Variants in SLC22A3 observed in about 807,000 individuals in gnomAD.
SLC22A3 encodes the protein EMT organic cation transporter 3.
SLC22A3 carries 51 observed loss-of-function variants against 59.1 expected under a neutral mutation model. The ratio of observed to expected loss-of-function variants is 0.86; its 90% confidence interval spans 0.69 to 1.09. The LOEUF (loss-of-function observed/expected upper bound fraction) is 1.09, where lower values mean the gene tolerates loss of function less well. SLC22A3 is among the 50% of genes least tolerant of loss of function. The probability of loss-of-function intolerance (pLI) is 0.00; values close to 1 mark genes in which losing one functional copy is unlikely to be tolerated. For synonymous variants in SLC22A3, 325 were observed against 292.0 expected (o/e 1.11, Z -1.15); for missense variants, 711 against 726.3 (o/e 0.98, Z 0.24).
intron 1 of SLC22A3, among the ~76,000 whole-genome samples, chr6:160,392,510 G>A (rs1786303204): frequency 6.6e-6 from 1 of 152,160 alleles, no homozygotes; most frequent in Admixed American, 6.5e-5. Context: ...GTATATGCCT[G>A]GTATTCCTCC....
At chr6:160,379,322 T>TGG (rs1785713319) in intron 1 of SLC22A3, among the ~76,000 whole-genome samples, 1 of 152,208 alleles carries the variant, frequency 6.6e-6, no homozygotes, top group South Asian at 2.1e-4. Context: ...GCTCCTTACA[T>TGG]GGGGTCTTAG....
chr6:160,363,042 G>C (rs866815966), intron 1 of SLC22A3, among the ~76,000 whole-genome samples: 1 of 152,228 alleles, frequency 6.6e-6, no homozygotes, highest in East Asian at 1.9e-4. Context: ...GGCTCCCGGG[G>C]ACTCGGGCAG....
At chr6:160,367,366 G>A (rs750001901) in intron 1 of SLC22A3, among the ~76,000 whole-genome samples, 8 of 152,098 alleles carry the variant, frequency 5.3e-5, no homozygotes, top group Non-Finnish European at 1.2e-4. Context: ...ATTACCTTCC[G>A]CCAAGTTCAT....
chr6:160,355,794 C>CAA (rs1223042488), intron 1 of SLC22A3, among the ~76,000 whole-genome samples: 1 of 139,024 alleles, frequency 7.2e-6, no homozygotes, highest in African/African-American at 2.6e-5. Context: ...ACAACAACAA[C>CAA]AACAAAAAAC....
At chr6:160,378,313 G>A (rs186249578) in intron 1 of SLC22A3, among the ~76,000 whole-genome samples, 25 of 152,300 alleles carry the variant, frequency 1.6e-4, no homozygotes, top group African/African-American at 5.1e-4. Context: ...ATTCTGGAAA[G>A]GTGGATTTTC....
chr6:160,383,572 A>G (rs914051101), intron 1 of SLC22A3, among the ~76,000 whole-genome samples: 4 of 152,160 alleles, frequency 2.6e-5, no homozygotes, highest in Admixed American at 2.0e-4. Flanking sequence ...ATATAGTTTT[A>G]TATATTTTTT....
At chr6:160,442,317 G>A (rs987864148) in intron 7 of SLC22A3, among the ~76,000 whole-genome samples, 1 of 152,174 alleles carries the variant, frequency 6.6e-6, no homozygotes, top group African/African-American at 2.4e-5. Flanking sequence ...AGGTGTGCTG[G>A]GAACGGCTAT....
At chr6:160,379,011 C>T (rs1422106868) in intron 1 of SLC22A3, among the ~76,000 whole-genome samples, 1 of 152,150 alleles carries the variant, frequency 6.6e-6, no homozygotes, top group Non-Finnish European at 1.5e-5. Context: ...CAAGTTGAAC[C>T]ATCCTAAGTT....
At chr6:160,376,335 C>T (rs1785590511) in intron 1 of SLC22A3, among the ~76,000 whole-genome samples, 1 of 151,772 alleles carries the variant, frequency 6.6e-6, no homozygotes, top group African/African-American at 2.4e-5. Context: ...CACACCGGGG[C>T]CTGGTTGGCG....
intron 1 of SLC22A3, among the ~76,000 whole-genome samples, chr6:160,381,630 C>T (rs938986838): frequency 2.0e-5 from 3 of 152,112 alleles, no homozygotes; most frequent in African/African-American, 4.8e-5. Context: ...AATGTAAACT[C>T]GTTGATTTTA....
chr6:160,348,538 T>C lies in SLC22A3; in HGVS notation c.119T>C (p.Val40Ala). 1.3e-6 allele frequency: 2 copies of C among 1,561,640 alleles called. No individual in the cohort carries two copies. The highest frequency in any genetic ancestry group is 1.7e-6 in the Non-Finnish European group (2 of 1,162,718). ...TTCGCCTTCCTCTTCGTCGGCGTGG[T>C]CTTCCTGGGCACGCAGCCCGACCAC... Reference protein sequence around the residue: ...VTFAFLFVGVVFLGTQPDHYW... With the variant: ...VTFAFLFVGVAFLGTQPDHYW... Residue 40 changes from valine to alanine, a missense_variant, in exon 1 of 11, where the codon GTC becomes GCC. By Grantham distance (64) the Val-to-Ala change is moderately conservative. Coordinates refer to ENST00000275300, the MANE Select transcript of SLC22A3 (RefSeq NM_021977.4).
chr6:160,429,905 C>T (rs933555204), intron 5 of SLC22A3, among the ~76,000 whole-genome samples: 1 of 150,742 alleles, frequency 6.6e-6, no homozygotes, highest in African/African-American at 2.4e-5. Flanking sequence ...TTAAAAGCAT[C>T]TGCCTTTATG....
chr6:160,387,002 C>T (rs1254612730), intron 1 of SLC22A3, among the ~76,000 whole-genome samples: 2 of 152,212 alleles, frequency 1.3e-5, no homozygotes, highest in East Asian at 3.9e-4. Flanking sequence ...CCTCCTCCAG[C>T]AGGGTACAAC....
chr6:160,383,231 A>G (rs928124607), intron 1 of SLC22A3, among the ~76,000 whole-genome samples: 2 of 152,244 alleles, frequency 1.3e-5, no homozygotes, highest in African/African-American at 4.8e-5. Context: ...GGTTAACCTC[A>G]GTGTTTTCAC....
intron 5 of SLC22A3, among the ~76,000 whole-genome samples, chr6:160,412,300 T>C (rs1008019305): frequency 6.6e-6 from 1 of 152,040 alleles, no homozygotes; most frequent in Admixed American, 6.6e-5. Context: ...GAGGCAGAGG[T>C]TGCAATGAGA....
At chr6:160,388,386 G>T (rs1364038973) in intron 1 of SLC22A3, among the ~76,000 whole-genome samples, 1 of 152,296 alleles carries the variant, frequency 6.6e-6, no homozygotes, top group East Asian at 1.9e-4. Flanking sequence ...TTCAAACACA[G>T]ATTTCTGGGA....
At chr6:160,401,335 A>C (rs1786773137) in intron 2 of SLC22A3, among the ~76,000 whole-genome samples, 1 of 152,046 alleles carries the variant, frequency 6.6e-6, no homozygotes, top group South Asian at 2.1e-4. Context: ...CTATAGTAAA[A>C]GAGCAATGAT....
At chr6:160,416,096 C>T (rs1051082444) in intron 5 of SLC22A3, among the ~76,000 whole-genome samples, 2 of 152,160 alleles carry the variant, frequency 1.3e-5, no homozygotes, top group Non-Finnish European at 2.9e-5. Flanking sequence ...GGTAGGCAAA[C>T]TCTGTCTCTG....
At chr6:160,418,591 CTGAG>C (rs1254992039) in intron 5 of SLC22A3, among the ~76,000 whole-genome samples, 2 of 152,216 alleles carry the variant, frequency 1.3e-5, no homozygotes, top group Non-Finnish European at 2.9e-5. Context: ...TGTGTCAACA[CTGAG>C]TGAGCAGCCA....
Sources: allele counts gnomAD v4.1 joint callset (sites outside exome capture counted in the v4.1 genomes callset), GRCh38; gene constraint gnomAD v4.1.1; transcripts MANE v1.5; gene names NCBI Gene and HGNC (gene_info 2026-07-23, HGNC 2026-07-21).